The following DIP2C variants were observed in gnomAD, a reference collection of about 807,000 sequenced individuals.
DIP2C encodes the protein DIP2 acetate--CoA ligase C (putative).
DIP2C carries 33 observed loss-of-function variants against 192.4 expected under a neutral mutation model. The ratio of observed to expected loss-of-function variants is 0.17; its 90% CI spans 0.13 to 0.23. The LOEUF is 0.23. Among genes scored for constraint, DIP2C ranks in the 10% least tolerant of loss-of-function variants. The pLI is 1.00. For synonymous variants in DIP2C, 979 were observed against 864.1 expected (o/e 1.13, Z -2.33); for missense variants, 1,537 against 2,110.1 (o/e 0.73, Z 5.32).
Position 417,992 on chromosome 10 carries a change from C to T in DIP2C, c.739+1073G>A, listed in dbSNP as rs936194483. 1.7e-3 allele frequency among the ~76,000 whole-genome samples: 168 copies of T among 96,070 alleles called. 3 individuals are homozygous for T. Among genetic ancestry groups the T allele is most frequent in the South Asian group, 2.8e-3 (7 of 2,476 alleles). The allele number at this position is 96,070 out of a possible 152,430, so 63.0% of individuals were successfully genotyped here. On this transcript the variant is annotated intron_variant, in intron 6 of 36. Transcript: ENST00000280886. The stretch of plus-strand genomic sequence containing the variant: ...TCAGGGCTCGGATAGGCCTCCCTGT[C>T]CACCTGCACCTGTCAGGGCGCGGAC...
chr10:443,547 CACA>C (rs975034075), intron 3 of DIP2C, among the ~76,000 whole-genome samples: 3 of 152,148 alleles, frequency 2.0e-5, no homozygotes, highest in African/African-American at 4.8e-5. Flanking sequence ...AAGCAGAACA[CACA>C]ACATGTGTGT....
At chr10:577,348 T>C (rs956642178) in intron 1 of DIP2C, among the ~76,000 whole-genome samples, 1 of 152,180 alleles carries the variant, frequency 6.6e-6, no homozygotes, top group Admixed American at 6.5e-5. Flanking sequence ...TAACTAGAAA[T>C]AAAGGCAAAA....
intron 1 of DIP2C, among the ~76,000 whole-genome samples, chr10:594,546 C>G (rs562582641): frequency 6.6e-6 from 1 of 152,132 alleles, no homozygotes; most frequent in African/African-American, 2.4e-5. Context: ...ACCATTTCAA[C>G]GTAAGAGAAC....
chr10:479,133 C>G (rs1843397328), intron 2 of DIP2C, among the ~76,000 whole-genome samples: 1 of 152,210 alleles, frequency 6.6e-6, no homozygotes, highest in South Asian at 2.1e-4. Context: ...ATTACATGCT[C>G]TTGTTCACAT....
In DIP2C at chr10:658,998, TAC is replaced by T. The variant is rs564177026; in HGVS notation, c.85+30494_85+30495del. ...CATGCGCACACACACATACATGCAA[TAC>T]ACACATTCACACATGCACACACATT... On this transcript the variant is annotated intron_variant, in intron 1 of 36. Transcript: ENST00000280886. 4.6e-3 allele frequency among the ~76,000 whole-genome samples: 693 copies of T among 151,810 alleles called. 5 individuals carry two copies. The highest frequency in any genetic ancestry group is 0.015 in the African/African-American group (641 of 41,358).
rs1328002997 is a variant in DIP2C at position 666,737 on chromosome 10, T to C, written c.85+22757A>G. 3 of 152,532 alleles carry C rather than the reference T, an allele frequency of 2.0e-5. No homozygotes were observed. Among genetic ancestry groups the C allele is most frequent in the Non-Finnish European group, 2.9e-5 (2 of 68,358 alleles). The allele number at this position is 152,532 out of a possible 1,614,324, so 9.4% of individuals were successfully genotyped here. On this transcript the variant is annotated intron_variant, in intron 1 of 36. Coordinates refer to ENST00000280886, the MANE Select transcript of DIP2C (RefSeq NM_014974.3). The surrounding 1 kb of genome is among the most constrained non-coding windows in gnomAD (Gnocchi z 4.1). ...CGCAGCTGGGGTCTGGACGTGGGCC[T>C]GGGGGCTGGTGGAAGGCACGTGTGT...
intron 1 of DIP2C, among the ~76,000 whole-genome samples, chr10:654,177 C>T (rs1281790162): frequency 6.6e-6 from 1 of 152,182 alleles, no homozygotes; most frequent in Admixed American, 6.5e-5. Context: ...CCTTATCAGA[C>T]GCTGCCGGAG....
At chr10:383,180 T>A (rs1305430226) in intron 16 of DIP2C, among the ~76,000 whole-genome samples, 2 of 152,252 alleles carry the variant, frequency 1.3e-5, no homozygotes, top group Non-Finnish European at 1.5e-5. Context: ...ATACTTTTCT[T>A]TATGCAAGAT....
At chr10:312,332 T>A (rs1956601200) in intron 31 of DIP2C, among the ~76,000 whole-genome samples, 1 of 152,224 alleles carries the variant, frequency 6.6e-6, no homozygotes, top group Admixed American at 6.5e-5. Flanking sequence ...GCAAGGTATT[T>A]TTCCCTATGT....
chr10:431,656 T>G (rs548925100), intron 4 of DIP2C, among the ~76,000 whole-genome samples: 206 of 152,370 alleles, frequency 1.4e-3, no homozygotes, highest in African/African-American at 4.6e-3. Context: ...TCAATTCTTT[T>G]GGATCTTCTA....
At chr10:547,936 T>G (rs895383436) in intron 1 of DIP2C, among the ~76,000 whole-genome samples, 8 of 152,088 alleles carry the variant, frequency 5.3e-5, no homozygotes, top group African/African-American at 1.9e-4. Context: ...TATCTCTCAT[T>G]TCCACCTGCA....
At chr10:369,880 A>G (rs1960754176) in intron 17 of DIP2C, 4 of 1,362,606 alleles carry the variant, frequency 2.9e-6, no homozygotes, top group Non-Finnish European at 3.9e-6. Context: ...TAAACTACCA[A>G]CGCAGCTCCT....
At chr10:574,984 C>T (rs984796984) in intron 1 of DIP2C, among the ~76,000 whole-genome samples, 1 of 152,138 alleles carries the variant, frequency 6.6e-6, no homozygotes, top group Admixed American at 6.5e-5. Context: ...GCTCTGCCCA[C>T]GAGACAGCAG....
chr10:413,874 G>A (rs769952599), intron 8 of DIP2C, 39 bp downstream of exon 8: 3 of 1,597,060 alleles, frequency 1.9e-6, no homozygotes, highest in Non-Finnish European at 8.6e-7. Flanking sequence ...GGCTGTGCGA[G>A]GGGGTGGGCA....
At chr10:558,873 A>G (rs1206731394) in intron 1 of DIP2C, among the ~76,000 whole-genome samples, 2 of 152,114 alleles carry the variant, frequency 1.3e-5, no homozygotes, top group Non-Finnish European at 2.9e-5. Flanking sequence ...TAATGATGAA[A>G]TAGAAGGAGA....
intron 1 of DIP2C, among the ~76,000 whole-genome samples, chr10:660,159 A>G (rs555594048): frequency 3.3e-5 from 5 of 150,020 alleles, no homozygotes; most frequent in South Asian, 4.3e-4. Flanking sequence ...TGTATGAAAC[A>G]GAGATTCTAG....
Position 596,939 on chromosome 10 carries a change from C to T in DIP2C, c.85+92555G>A, listed in dbSNP as rs569845878. On this transcript the variant is annotated intron_variant, in intron 1 of 36. Transcript: ENST00000280886. Reference sequence around the variant, plus strand: ...CGAACATGCAGACATGAGGGCCACACGTGGCATTGGTTTTGTGTATCGACC... The same window carrying T: ...CGAACATGCAGACATGAGGGCCACATGTGGCATTGGTTTTGTGTATCGACC... 3.3e-5 allele frequency among the ~76,000 whole-genome samples: 5 copies of T among 152,366 alleles called. No individual in the cohort carries two copies. In the East Asian group the frequency reaches 5.8e-4, roughly 18 times the overall value.
At chr10:617,009 G>A (rs927149908) in intron 1 of DIP2C, among the ~76,000 whole-genome samples, 1 of 152,156 alleles carries the variant, frequency 6.6e-6, no homozygotes, top group African/African-American at 2.4e-5. Context: ...GGGAGGGACT[G>A]AGATTTCACA....
intron 32 of DIP2C, among the ~76,000 whole-genome samples, chr10:296,511 C>T (rs1955760790): frequency 6.6e-6 from 1 of 152,008 alleles, no homozygotes; most frequent in African/African-American, 2.4e-5. Context: ...CTAGAAATAC[C>T]ATTTGACACA....
Sources: gnomAD v4.1 joint callset for allele counts (sites outside exome capture counted in the v4.1 genomes callset) on GRCh38, gnomAD v4.1.1 for gene constraint, Gnocchi (gnomAD v3.1) non-coding constraint, MANE v1.5 for transcripts, NCBI Gene and HGNC (gene_info 2026-07-23, HGNC 2026-07-21) for gene names.